DCDC2: variants seen among roughly 807,000 people sequenced by gnomAD.
The protein encoded by DCDC2 is doublecortin domain-containing protein 2.
In DCDC2, 40 loss-of-function variants were observed where a neutral mutation model predicts 50.2. That is an observed-to-expected ratio of 0.80 (90% confidence interval 0.62 to 1.04). The LOEUF (loss-of-function observed/expected upper bound fraction) is 1.04. Ranked by LOEUF, DCDC2 falls within the 50% of genes least tolerant of loss-of-function variation. DCDC2 has a pLI of 0.00. For missense variants in DCDC2, 570 were observed against 581.9 expected, an observed-to-expected ratio of 0.98 and a Z score of 0.21; for synonymous variants, 234 against 210.6, an observed-to-expected ratio of 1.11 and a Z score of -0.96.
At chr6:24,374,157 A>G in the DCDC2 span, among the ~76,000 whole-genome samples, 1 of 140,294 alleles carries the variant, frequency 7.1e-6, no homozygotes, top group African/African-American at 2.7e-5. Flanking sequence ...GTGAGACTCC[A>G]TTTCAAAAAA....
chr6:24,185,780 G>C (rs1035048146), intron 8 of DCDC2, among the ~76,000 whole-genome samples: 2 of 151,500 alleles, frequency 1.3e-5, no homozygotes, highest in African/African-American at 4.9e-5. Flanking sequence ...AGAAGGAAAA[G>C]GGCACTCCCT....
chr6:24,351,051 C>G (rs1760360324), intron 2 of DCDC2, among the ~76,000 whole-genome samples: 1 of 152,138 alleles, frequency 6.6e-6, no homozygotes, highest in African/African-American at 2.4e-5. Flanking sequence ...CTCAGGGCAG[C>G]CTGCAAAACC....
intron 2 of DCDC2, among the ~76,000 whole-genome samples, chr6:24,319,388 G>A (rs1310533101): frequency 6.6e-6 from 1 of 151,532 alleles, no homozygotes; most frequent in Non-Finnish European, 1.5e-5. Context: ...CATTCTGCAG[G>A]GTGTCTGTTT....
intron 7 of DCDC2, among the ~76,000 whole-genome samples, chr6:24,251,322 G>A (rs1166141086): frequency 6.6e-6 from 1 of 152,150 alleles, no homozygotes; most frequent in Non-Finnish European, 1.5e-5. Flanking sequence ...TTCACTTGCG[G>A]TTTGAGAGCT....
intron 7 of DCDC2, among the ~76,000 whole-genome samples, chr6:24,217,623 A>G (rs1762010826): frequency 6.6e-6 from 1 of 152,224 alleles, no homozygotes; most frequent in Non-Finnish European, 1.5e-5. Flanking sequence ...AATAGGCCTG[A>G]ATTGCTCATT....
intron 2 of DCDC2, among the ~76,000 whole-genome samples, chr6:24,332,621 T>C (rs1759986178): frequency 6.6e-6 from 1 of 152,218 alleles, no homozygotes; most frequent in Non-Finnish European, 1.5e-5. Flanking sequence ...GTCATAGTTT[T>C]ACGGTACTAA....
chr6:24,354,532 T>C (rs1256915504), intron 1 of DCDC2, among the ~76,000 whole-genome samples: 1 of 152,184 alleles, frequency 6.6e-6, no homozygotes, highest in East Asian at 1.9e-4. Flanking sequence ...AATTCATATC[T>C]CTGGAAATTG....
rs778953600 is a variant in DCDC2 at position 24,178,393 on chromosome 6, A to C, written c.1263T>G (p.Asn421Lys). Residue 421 changes from asparagine (N) to lysine (K), a missense_variant, in exon 9 of 10, where the codon AAT becomes AAG. Asn to Lys is a moderately conservative substitution (Grantham distance 94). Transcript: ENST00000378454. Reference sequence around the variant, plus strand: ...CCTTGTCTAGGACCAGTTGAAGCTCATTATTAACCTGCTGCAGCTCCTCAC... The same window carrying C: ...CCTTGTCTAGGACCAGTTGAAGCTCCTTATTAACCTGCTGCAGCTCCTCAC... ...ENGEELQQVN[N>K]ELQLVLDKER... 1 of 1,614,168 alleles carries C rather than the reference A, an allele frequency of 6.2e-7. No individual in the cohort carries two copies. The highest frequency in any genetic ancestry group is 8.5e-7 in the Non-Finnish European group (1 of 1,180,000).
chr6:24,175,870 A>G (rs1242619828), intron 9 of DCDC2, among the ~76,000 whole-genome samples: 1 of 152,182 alleles, frequency 6.6e-6, no homozygotes, highest in Non-Finnish European at 1.5e-5. Context: ...GGTTTCTCAT[A>G]TATTTCGGTA....
intron 6 of DCDC2, among the ~76,000 whole-genome samples, chr6:24,281,344 CT>C (rs577049117): frequency 0.038 from 5,409 of 141,568 alleles, 248 homozygotes; most frequent in African/African-American, 0.12. Flanking sequence ...AATTGAAATG[CT>C]TTTTTTTTTT....
intron 7 of DCDC2, among the ~76,000 whole-genome samples, chr6:24,243,389 G>A (rs967749961): frequency 2.6e-5 from 4 of 152,166 alleles, no homozygotes; most frequent in African/African-American, 9.7e-5. Context: ...TCTGCCACCT[G>A]CTAGCCATGT....
At chr6:24,317,196 TA>T (rs1363136329) in intron 2 of DCDC2, among the ~76,000 whole-genome samples, 1 of 152,096 alleles carries the variant, frequency 6.6e-6, no homozygotes, top group Admixed American at 6.6e-5. Context: ...TTTCATTTTT[TA>T]AAAACTATAC....
intron 1 of DCDC2, 151 bp downstream of exon 1, chr6:24,357,307 T>C (rs867569535): frequency 1.1e-6 from 1 of 891,496 alleles, no homozygotes; most frequent in Middle Eastern, 3.3e-4. Context: ...ACCCCCCAAC[T>C]GCAACGAGAG....
At chr6:24,205,418 A>C (rs1761698853) in intron 7 of DCDC2, 2 of 1,260,642 alleles carry the variant, frequency 1.6e-6, no homozygotes, top group East Asian at 5.1e-5. Context: ...GAAATTCACA[A>C]GTATCATCCC....
intron 7 of DCDC2, among the ~76,000 whole-genome samples, chr6:24,258,867 T>A (rs958187769): frequency 1.3e-5 from 2 of 152,202 alleles, no homozygotes; most frequent in African/African-American, 2.4e-5. Context: ...CAAGTTTGAA[T>A]CCTTCATTTG....
intron 6 of DCDC2, among the ~76,000 whole-genome samples, chr6:24,287,412 G>A: frequency 6.6e-6 from 1 of 152,160 alleles, no homozygotes; most frequent in East Asian, 1.9e-4. Flanking sequence ...CTGAAGTGCA[G>A]TGGGGCAATC....
At chr6:24,218,620 T>G (rs981206773) in intron 7 of DCDC2, among the ~76,000 whole-genome samples, 4 of 152,134 alleles carry the variant, frequency 2.6e-5, no homozygotes, top group African/African-American at 9.7e-5. Flanking sequence ...CCTGAATAGC[T>G]GGGACTACGG....
chr6:24,321,064 ATAT>A (rs1054055150), intron 2 of DCDC2, among the ~76,000 whole-genome samples: 3 of 152,186 alleles, frequency 2.0e-5, no homozygotes, highest in Admixed American at 6.5e-5. Context: ...AAAACGAATG[ATAT>A]TATTAGATTT....
chr6:24,196,172 AT>A (rs1217499726), intron 8 of DCDC2, among the ~76,000 whole-genome samples: 1 of 151,176 alleles, frequency 6.6e-6, no homozygotes, highest in Non-Finnish European at 1.5e-5. Context: ...CCATGACTAT[AT>A]TTCCTTTCTT....
Sources: gnomAD v4.1 joint callset for allele counts (sites outside exome capture counted in the v4.1 genomes callset) on GRCh38, gnomAD v4.1.1 for gene constraint, MANE v1.5 for transcripts, NCBI Gene and HGNC (gene_info 2026-07-23, HGNC 2026-07-21) for gene names.